EIF3J: variants seen among roughly 807,000 people sequenced by gnomAD.
The protein encoded by EIF3J is eukaryotic translation initiation factor 3 subunit J.
In EIF3J, 15 loss-of-function variants were observed where a neutral mutation model predicts 39.0. The ratio of observed to expected loss-of-function variants is 0.38; its 90% CI spans 0.26 to 0.59. The LOEUF (loss-of-function observed/expected upper bound fraction) is 0.59. EIF3J is among the 20% of genes least tolerant of loss of function. The pLI is 0.60. For missense variants in EIF3J, 226 were observed against 308.6 expected (o/e 0.73, Z 2.00); for synonymous variants, 98 against 112.9 (o/e 0.87, Z 0.84).
intron 6 of EIF3J, 86 bp downstream of exon 6, chr15:44,557,736 A>G (rs2082157215): frequency 2.8e-6 from 3 of 1,074,566 alleles, no homozygotes; most frequent in South Asian, 2.5e-5. Flanking sequence ...TTTTATTTTC[A>G]AGGATACTAT....
chr15:44,544,299 T>C (rs368553973), intron 2 of EIF3J, among the ~76,000 whole-genome samples: 3 of 151,606 alleles, frequency 2.0e-5, no homozygotes, highest in African/African-American at 7.3e-5. Flanking sequence ...GGGTTTGCCA[T>C]GTTGGCCAGG....
At chr15:44,559,535 G>A (rs1399413018) in intron 6 of EIF3J, among the ~76,000 whole-genome samples, 3 of 145,042 alleles carry the variant, frequency 2.1e-5, no homozygotes, top group Non-Finnish European at 3.0e-5. Flanking sequence ...GTGAAACCCC[G>A]TCTCTACTAA....
At position 44,537,554 on chromosome 15, in the gene EIF3J, G is replaced by C. The variant is rs149335986; in HGVS notation, c.147+127G>C. The C allele has an allele frequency of 8.5e-3, 8,410 of 984,386 alleles. 74 individuals are homozygous for C. The highest frequency in any genetic ancestry group is 0.022 in the South Asian group (1,116 of 51,308). The allele number at this position is 984,386 out of a possible 1,614,324, so 61.0% of individuals were successfully genotyped here. On this transcript the variant is annotated intron_variant, in intron 2 of 7. Transcript: ENST00000261868. ...CCAGGCGCGAGCATAGGGCCTGGCG[G>C]TGCTCTCTTCCCCTCCGCTTGCCGG...
chr15:44,557,784 T>TG (rs1465063265), intron 6 of EIF3J, 134 bp downstream of exon 6: 1 of 557,084 alleles, frequency 1.8e-6, no homozygotes, highest in African/African-American at 1.9e-5. Flanking sequence ...AGCAATTACC[T>TG]TGTGAATGTT....
chr15:44,545,036 C>T (rs1413394884), intron 2 of EIF3J, among the ~76,000 whole-genome samples: 2 of 151,860 alleles, frequency 1.3e-5, no homozygotes, highest in African/African-American at 4.8e-5. Flanking sequence ...AGAACCACTA[C>T]AGGCAATTTA....
In EIF3J at chr15:44,554,534, A is replaced by T; in HGVS notation, c.295-19A>T. On this transcript the variant is annotated intron_variant, in intron 4 of 7. Transcript: ENST00000261868. ...CATCATAATCCCTGTGCTTTTTAAAAACTTTTGTCTCATTTTAGTTAGAAG... is the reference window on the plus strand; with the variant it reads ...CATCATAATCCCTGTGCTTTTTAAATACTTTTGTCTCATTTTAGTTAGAAG... 1 of 1,557,674 alleles carries T rather than the reference A, an allele frequency of 6.4e-7. No individual in the cohort carries two copies. The highest frequency in any genetic ancestry group is 8.8e-7 in the Non-Finnish European group (1 of 1,139,332).
chr15:44,537,650 C>T (rs2140886809), intron 2 of EIF3J, among the ~76,000 whole-genome samples: 1 of 152,360 alleles, frequency 6.6e-6, no homozygotes, highest in South Asian at 2.1e-4. Context: ...TGCTCTCCGG[C>T]GTGGATCCCA....
chr15:44,547,693 C>A (rs2140894908), intron 2 of EIF3J, among the ~76,000 whole-genome samples: 2 of 152,084 alleles, frequency 1.3e-5, no homozygotes, highest in South Asian at 4.2e-4. Flanking sequence ...CGTGATCCGC[C>A]CACCTCAGCC....
chr15:44,545,622 G>A (rs1256484626), intron 2 of EIF3J, among the ~76,000 whole-genome samples: 1 of 152,108 alleles, frequency 6.6e-6, no homozygotes. Flanking sequence ...GGGGTATATT[G>A]TGATGTTTCA....
chr15:44,553,789 A>G (rs143723370), intron 4 of EIF3J, among the ~76,000 whole-genome samples: 1,908 of 152,284 alleles, frequency 0.013, 51 homozygotes, highest in African/African-American at 0.044. Flanking sequence ...TCTTAAGGTA[A>G]ATACCTGGAA....
Position 44,537,161 on chromosome 15 carries a change from T to TC in EIF3J, c.-33dup. The TC allele has an allele frequency of 6.2e-7, 1 of 1,612,630 alleles. No individual in the cohort carries two copies. Among genetic ancestry groups the TC allele is most frequent in the East Asian group, 2.2e-5 (1 of 44,788 alleles). ...TCCGCCGTGCTAACTCCTCGCTAGC[T>TC]CTCCCTCTCACACACGCTCACACCC... is the stretch of plus-strand genomic sequence containing the variant. On this transcript the variant is annotated 5_prime_UTR_variant, in exon 1 of 8. Coordinates refer to ENST00000261868, the MANE Select transcript of EIF3J (RefSeq NM_003758.4).
intron 2 of EIF3J, among the ~76,000 whole-genome samples, chr15:44,546,857 C>T (rs2082057550): frequency 1.9e-5 from 2 of 107,466 alleles, no homozygotes; most frequent in African/African-American, 3.6e-5. Flanking sequence ...GACAGAGTCT[C>T]TGTTGCCTAG....
At chr15:44,539,970 T>C (rs1338439931) in intron 2 of EIF3J, among the ~76,000 whole-genome samples, 1 of 144,582 alleles carries the variant, frequency 6.9e-6, no homozygotes, top group Non-Finnish European at 1.5e-5. Flanking sequence ...GATAGAGTCT[T>C]GCTCTGTCAC....
intron 4 of EIF3J, among the ~76,000 whole-genome samples, chr15:44,552,121 A>G (rs1336328389): frequency 6.6e-6 from 1 of 151,848 alleles, no homozygotes; most frequent in Non-Finnish European, 1.5e-5. Flanking sequence ...GCGTCTGGCC[A>G]GGATTAGTTT....
chr15:44,548,504 C>A (rs998583195), intron 2 of EIF3J, among the ~76,000 whole-genome samples: 1 of 152,124 alleles, frequency 6.6e-6, no homozygotes, highest in Non-Finnish European at 1.5e-5. Flanking sequence ...CAGAAATAGA[C>A]CAAGTACATA....
intron 2 of EIF3J, among the ~76,000 whole-genome samples, chr15:44,547,300 C>T (rs1224420440): frequency 1.3e-5 from 2 of 151,622 alleles, no homozygotes; most frequent in Non-Finnish European, 1.5e-5. Context: ...TGTGCCACCA[C>T]ACCCAGCTAA....
intron 4 of EIF3J, among the ~76,000 whole-genome samples, chr15:44,552,950 C>T (rs1322826260): frequency 2.0e-5 from 3 of 152,050 alleles, no homozygotes; most frequent in Non-Finnish European, 2.9e-5. Context: ...CTTTGGGAGG[C>T]TGAGGTGGGA....
Position 44,549,385 on chromosome 15 carries a change from C to G in EIF3J, c.148-1491C>G, listed in dbSNP as rs535431818. Among the ~76,000 whole-genome samples, 56 of 151,622 alleles carry G rather than the reference C, an allele frequency of 3.7e-4. 1 individual carries two copies. In the East Asian group the frequency reaches 7.8e-3, roughly 21 times the overall value. On this transcript the variant is annotated intron_variant, in intron 2 of 7. Coordinates refer to ENST00000261868, the MANE Select transcript of EIF3J (RefSeq NM_003758.4). ...CAGCTTGGGCAACCAGAGCAAAACT[C>G]CAACTCAAAAACAAAACAAAACAAA... is the stretch of plus-strand genomic sequence containing the variant.
In EIF3J at chr15:44,543,394, T is replaced by C. The variant is rs1481975519; in HGVS notation, c.147+5967T>C. Among the ~76,000 whole-genome samples, 8 of 151,808 alleles carry C rather than the reference T, an allele frequency of 5.3e-5. No homozygotes were observed. The South Asian group carries it at 1.2e-3, about 24-fold the overall frequency. ...TGAGGAGCAGATGTCATGGCTCTTC[T>C]TGGTACATGTTGATAGGAACCACTT... On this transcript the variant is annotated intron_variant, in intron 2 of 7. Transcript: ENST00000261868.
Sources: gnomAD v4.1 joint callset for allele counts (sites outside exome capture counted in the v4.1 genomes callset) on GRCh38, gnomAD v4.1.1 for gene constraint, MANE v1.5 for transcripts, NCBI Gene and HGNC (gene_info 2026-07-23, HGNC 2026-07-21) for gene names.